The following AXDND1 variants were observed in gnomAD, a reference collection of about 807,000 sequenced individuals.
AXDND1 encodes the protein axonemal dynein light chain domain containing 1, also known as axonemal dynein light chain domain-containing protein 1.
AXDND1 carries 110 observed loss-of-function variants against 137.5 expected under a neutral mutation model. That is an observed-to-expected ratio of 0.80 (90% CI 0.69 to 0.94). AXDND1 has a LOEUF of 0.94. Among genes scored for constraint, AXDND1 ranks in the 40% least tolerant of loss-of-function variants. The probability of loss-of-function intolerance (pLI) is 0.00; values close to 1 mark genes in which losing one functional copy is unlikely to be tolerated. For missense variants in AXDND1, 1,191 were observed against 1,169.8 expected, an observed-to-expected ratio of 1.02 and a Z score of -0.26; for synonymous variants, 414 against 399.7, an observed-to-expected ratio of 1.04 and a Z score of -0.43.
intron 20 of AXDND1, among the ~76,000 whole-genome samples, chr1:179,501,729 C>A (rs1034316086): frequency 4.0e-5 from 6 of 151,742 alleles, no homozygotes; most frequent in African/African-American, 1.5e-4. Context: ...CAAAACAAAA[C>A]AACAACAAAA....
intron 21 of AXDND1, among the ~76,000 whole-genome samples, chr1:179,510,422 G>A (rs72704457): frequency 0.047 from 6,976 of 150,004 alleles, 242 homozygotes; most frequent in Non-Finnish European, 0.07. Context: ...GAAAGAAGGG[G>A]AAGGTTCTAT....
chr1:179,488,626 C>G (rs1364178305), intron 18 of AXDND1, among the ~76,000 whole-genome samples: 1 of 65,108 alleles, frequency 1.5e-5, no homozygotes, highest in East Asian at 9.4e-4. Flanking sequence ...CTTTCTCTCT[C>G]TCTCTCTCCT....
At chr1:179,455,968 T>A in intron 16 of AXDND1, 1 of 261,928 alleles carries the variant, frequency 3.8e-6, no homozygotes, top group South Asian at 4.3e-5. Flanking sequence ...AAAAAAAAAC[T>A]ACATTAAAAC....
chr1:179,511,762 G>GA (rs1669083535), intron 21 of AXDND1, among the ~76,000 whole-genome samples: 1 of 152,186 alleles, frequency 6.6e-6, no homozygotes, highest in South Asian at 2.1e-4. Flanking sequence ...ATTCTTGCAG[G>GA]AGTAGGGTGG....
chr1:179,463,220 A>C (rs1009666674), intron 16 of AXDND1, among the ~76,000 whole-genome samples: 4 of 152,110 alleles, frequency 2.6e-5, no homozygotes, highest in African/African-American at 4.8e-5. Flanking sequence ...TAGAGTGTCA[A>C]TTTTATATCT....
intron 15 of AXDND1, among the ~76,000 whole-genome samples, chr1:179,433,253 C>T (rs550673422): frequency 1.5e-4 from 22 of 150,844 alleles, no homozygotes; most frequent in Non-Finnish European, 3.1e-4. Context: ...CTATTCGATT[C>T]TTCTCTCTTC....
intron 12 of AXDND1, among the ~76,000 whole-genome samples, chr1:179,422,026 A>G (rs150210134): frequency 0.018 from 2,597 of 146,326 alleles, 61 homozygotes; most frequent in African/African-American, 0.06. Context: ...GGCAACAAGA[A>G]CGAAACTCCA....
intron 4 of AXDND1, among the ~76,000 whole-genome samples, chr1:179,371,815 A>T (rs1668067158): frequency 6.6e-6 from 1 of 152,230 alleles, no homozygotes; most frequent in African/African-American, 2.4e-5. Flanking sequence ...CAAGAAATGA[A>T]TTTGGCTACT....
chr1:179,468,311 G>T (rs1343334804), intron 16 of AXDND1, 132 bp from the exon 17 acceptor site: 3 of 620,974 alleles, frequency 4.8e-6, no homozygotes, highest in Non-Finnish European at 8.1e-6. Context: ...AAGGTTCTCT[G>T]CTAGTCAAGC....
chr1:179,480,425 C>T lies in AXDND1; in HGVS notation c.1998-2703C>T, dbSNP rs753600259. Among the ~76,000 whole-genome samples, 23 of 152,156 alleles carry T rather than the reference C, an allele frequency of 1.5e-4. 1 individual carries two copies. Among genetic ancestry groups the T allele is most frequent in the South Asian group, 4.2e-4 (2 of 4,812 alleles). Reference sequence around the variant, plus strand: ...ACCACGAGAACAGTATGGGGGAGACCGCCCCCATGATTCAGTTATCTCCCA... The same window carrying T: ...ACCACGAGAACAGTATGGGGGAGACTGCCCCCATGATTCAGTTATCTCCCA... On this transcript the variant is annotated intron_variant, in intron 17 of 25. Coordinates refer to ENST00000367618, the MANE Select transcript of AXDND1 (RefSeq NM_144696.6).
chr1:179,378,610 T>G, intron 4 of AXDND1, 27 bp from the exon 5 acceptor site: 1 of 1,536,612 alleles, frequency 6.5e-7, no homozygotes, highest in South Asian at 1.2e-5. Context: ...AAATTTGTTT[T>G]GTAAATATAT....
At chr1:179,540,378 G>T (rs906494661) in intron 25 of AXDND1, among the ~76,000 whole-genome samples, 2 of 152,110 alleles carry the variant, frequency 1.3e-5, no homozygotes, top group African/African-American at 2.4e-5. Flanking sequence ...ATGGGGTTTT[G>T]GTGTGGATGT....
At chr1:179,512,950 G>C (rs1669192968) in intron 21 of AXDND1, among the ~76,000 whole-genome samples, 1 of 152,114 alleles carries the variant, frequency 6.6e-6, no homozygotes, top group African/African-American at 2.4e-5. Context: ...ATCATTTCTA[G>C]GAGCTTTCTG....
chr1:179,375,384 G>A (rs745444094), intron 4 of AXDND1, among the ~76,000 whole-genome samples: 19 of 152,010 alleles, frequency 1.2e-4, no homozygotes, highest in Non-Finnish European at 2.2e-4. Flanking sequence ...GATTATAGGC[G>A]CGAGCCACCA....
At chr1:179,472,190 C>T (rs924898464) in intron 17 of AXDND1, among the ~76,000 whole-genome samples, 1 of 152,132 alleles carries the variant, frequency 6.6e-6, no homozygotes, top group Non-Finnish European at 1.5e-5. Context: ...CCACTGCGCC[C>T]GGACTATGTC....
At chr1:179,434,378 A>G (rs12143971) in intron 15 of AXDND1, among the ~76,000 whole-genome samples, 17,567 of 152,004 alleles carry the variant, frequency 0.12, 1,204 homozygotes, top group East Asian at 0.35. Context: ...TGATACCAAA[A>G]CCTGGCAGAG....
intron 20 of AXDND1, among the ~76,000 whole-genome samples, chr1:179,505,542 G>T (rs777457490): frequency 1.6e-4 from 25 of 151,994 alleles, no homozygotes; most frequent in Admixed American, 6.6e-4. Flanking sequence ...AAGCTACTCA[G>T]GAGGTTGAGG....
intron 9 of AXDND1, among the ~76,000 whole-genome samples, chr1:179,386,050 CT>C (rs71111980): frequency 0.19 from 19,804 of 102,000 alleles, 689 homozygotes; most frequent in African/African-American, 0.22. Flanking sequence ...GGATTTTTTC[CT>C]TTTTTTTTTT....
intron 15 of AXDND1, 81 bp downstream of exon 15, chr1:179,432,423 C>A: frequency 1.5e-6 from 2 of 1,357,592 alleles, no homozygotes; most frequent in South Asian, 1.4e-5. Flanking sequence ...TGAGGCACAT[C>A]CCATCCTTTT....
Sources: gnomAD v4.1 joint callset for allele counts (sites outside exome capture counted in the v4.1 genomes callset) on GRCh38, gnomAD v4.1.1 for gene constraint, MANE v1.5 for transcripts, NCBI Gene and HGNC (gene_info 2026-07-23, HGNC 2026-07-21) for gene names.